The following NR3C2 variants were observed in gnomAD, a reference collection of about 807,000 sequenced individuals.
NR3C2 encodes the protein mineralocorticoid receptor.
NR3C2 carries 15 observed loss-of-function variants against 86.4 expected under a neutral mutation model. The observed-to-expected ratio is 0.17, with a 90% CI of 0.12 to 0.27. The LOEUF is 0.27. Ranked by LOEUF, NR3C2 falls within the 10% of genes least tolerant of loss-of-function variation. NR3C2 has a pLI of 1.00. For synonymous variants in NR3C2, 458 were observed against 450.5 expected, an observed-to-expected ratio of 1.02 and a Z score of -0.21; for missense variants, 960 against 1,195.6, an observed-to-expected ratio of 0.80 and a Z score of 2.91.
At chr4:148,230,152 T>C (rs971200910) in intron 3 of NR3C2, among the ~76,000 whole-genome samples, 3 of 152,128 alleles carry the variant, frequency 2.0e-5, no homozygotes, top group African/African-American at 7.2e-5. Context: ...AACAGGCACT[T>C]ACAGGGGAGA....
At chr4:148,403,168 G>T (rs758385074) in intron 2 of NR3C2, among the ~76,000 whole-genome samples, 7 of 151,966 alleles carry the variant, frequency 4.6e-5, no homozygotes, top group Non-Finnish European at 7.4e-5. Context: ...TACAAAAATA[G>T]TCTACAGTAT....
intron 2 of NR3C2, among the ~76,000 whole-genome samples, chr4:148,395,568 T>C (rs770928347): frequency 6.6e-6 from 1 of 152,170 alleles, no homozygotes; most frequent in Non-Finnish European, 1.5e-5. Flanking sequence ...AAGCAGATAA[T>C]ACCAAATGTG....
At chr4:148,211,527 T>C (rs1737283356) in intron 3 of NR3C2, among the ~76,000 whole-genome samples, 1 of 152,150 alleles carries the variant, frequency 6.6e-6, no homozygotes, top group Non-Finnish European at 1.5e-5. Context: ...TGAAAAAATA[T>C]ATTAGGAAAA....
intron 2 of NR3C2, among the ~76,000 whole-genome samples, chr4:148,377,994 A>G (rs938387892): frequency 2.6e-5 from 4 of 152,218 alleles, no homozygotes; most frequent in African/African-American, 9.6e-5. Flanking sequence ...GATAATAGGC[A>G]TGCCAGATAT....
intron 3 of NR3C2, among the ~76,000 whole-genome samples, chr4:148,239,762 A>G (rs1292749989): frequency 3.3e-5 from 5 of 152,184 alleles, no homozygotes; most frequent in African/African-American, 1.2e-4. Context: ...TGAAGAAAAC[A>G]CCATGTGAAA....
chr4:148,297,890 A>G (rs867622061), intron 2 of NR3C2, among the ~76,000 whole-genome samples: 2 of 130,634 alleles, frequency 1.5e-5, no homozygotes, highest in South Asian at 4.8e-4. Context: ...ACTCCGTCTC[A>G]AAAAAAAAAA....
intron 2 of NR3C2, among the ~76,000 whole-genome samples, chr4:148,308,227 G>A (rs1362073066): frequency 1.3e-5 from 2 of 152,032 alleles, no homozygotes; most frequent in Non-Finnish European, 1.5e-5. Context: ...TTTCTAGAAA[G>A]CGACAAATAT....
chr4:148,362,893 G>C (rs1426288493), intron 2 of NR3C2, among the ~76,000 whole-genome samples: 1 of 152,084 alleles, frequency 6.6e-6, no homozygotes, highest in African/African-American at 2.4e-5. Flanking sequence ...CTCTCATGGC[G>C]TTTCCGTTAT....
At chr4:148,218,339 T>G (rs1737652354) in intron 3 of NR3C2, among the ~76,000 whole-genome samples, 2 of 152,286 alleles carry the variant, frequency 1.3e-5, no homozygotes, top group African/African-American at 2.4e-5. Flanking sequence ...AGTTGAATAG[T>G]CTATCATATA....
chr4:148,157,020 T>C (rs1019868937), intron 4 of NR3C2, among the ~76,000 whole-genome samples: 14 of 151,176 alleles, frequency 9.3e-5, no homozygotes, highest in African/African-American at 1.5e-4. Context: ...ATGGATGAAA[T>C]TGGAAATCAT....
Position 148,081,468 on chromosome 4 carries a change from T to C in NR3C2, c.2831A>G (p.Tyr944Cys), listed in dbSNP as rs776959133. Residue 944 changes from tyrosine (Y) to cysteine (C), a missense_variant, in exon 9 of 9, where the codon TAC becomes TGC. Tyr to Cys is a radical substitution (Grantham distance 194, BLOSUM62 -2). Transcript: ENST00000358102. ...LVSDLLEFCFYTFRESHALKV... is the reference protein window; with the variant it reads ...LVSDLLEFCFCTFRESHALKV... ...CAGCGCATGGGACTCTCGGAAGGTG[T>C]AGAAGCAGAATTCCAGCAGGTCGCT... 3.7e-6 allele frequency: 6 copies of C among 1,613,970 alleles called. No homozygotes were observed. Among genetic ancestry groups the C allele is most frequent in the Admixed American group, 1.7e-5 (1 of 60,010 alleles).
At chr4:148,296,065 A>AG (rs1554005867) in intron 2 of NR3C2, among the ~76,000 whole-genome samples, 2 of 151,210 alleles carry the variant, frequency 1.3e-5, no homozygotes, top group African/African-American at 2.4e-5. Flanking sequence ...AAAAAAAAAA[A>AG]AGAGAGAATG....
At chr4:148,351,445 A>T (rs1397413835) in intron 2 of NR3C2, among the ~76,000 whole-genome samples, 1 of 152,108 alleles carries the variant, frequency 6.6e-6, no homozygotes. Context: ...ATCCAGCCTA[A>T]TTTGTCTTTT....
At chr4:148,385,117 C>G (rs1176224331) in intron 2 of NR3C2, among the ~76,000 whole-genome samples, 1 of 152,140 alleles carries the variant, frequency 6.6e-6, no homozygotes, top group African/African-American at 2.4e-5. Context: ...CTAAGGAGAT[C>G]TTCCTGTAGT....
At chr4:148,344,424 CACTGGGAGCT>C (rs1238210957) in intron 2 of NR3C2, among the ~76,000 whole-genome samples, 2 of 152,100 alleles carry the variant, frequency 1.3e-5, no homozygotes, top group Non-Finnish European at 2.9e-5. Context: ...GTTCAAACTC[CACTGGGAGCT>C]ACATAAACTT....
At chr4:148,434,028 G>GA (rs1259566182) in intron 2 of NR3C2, among the ~76,000 whole-genome samples, 9 of 152,078 alleles carry the variant, frequency 5.9e-5, no homozygotes, top group East Asian at 3.9e-4. Context: ...TTTTGGTTTG[G>GA]AAAAAAATAG....
chr4:148,183,067 T>C (rs1413249061), intron 4 of NR3C2, among the ~76,000 whole-genome samples: 4 of 152,032 alleles, frequency 2.6e-5, no homozygotes, highest in African/African-American at 9.7e-5. Flanking sequence ...TGAGAACATG[T>C]GGTGTTTGGT....
chr4:148,115,921 T>TA (rs1238229078), intron 7 of NR3C2, among the ~76,000 whole-genome samples: 1 of 152,008 alleles, frequency 6.6e-6, no homozygotes, highest in Admixed American at 6.6e-5. Context: ...ATTTTAAAAG[T>TA]AAAAAAACAA....
At chr4:148,242,342 T>C (rs1163123443) in intron 3 of NR3C2, among the ~76,000 whole-genome samples, 1 of 152,220 alleles carries the variant, frequency 6.6e-6, no homozygotes, top group Non-Finnish European at 1.5e-5. Context: ...ATGTGAATTA[T>C]TTCCATCTTT....
Sources: gnomAD v4.1 joint callset for allele counts (sites outside exome capture counted in the v4.1 genomes callset) on GRCh38, gnomAD v4.1.1 for gene constraint, MANE v1.5 for transcripts, NCBI Gene and HGNC (gene_info 2026-07-23, HGNC 2026-07-21) for gene names.